The following USP8 variants were observed in gnomAD, a reference collection of about 807,000 sequenced individuals.
USP8 encodes the protein ubiquitin specific peptidase 8.
Under a neutral mutation model 130.0 loss-of-function variants are expected in USP8, and 27 were observed. That is an observed-to-expected ratio of 0.21 (90% CI 0.15 to 0.29). The LOEUF (loss-of-function observed/expected upper bound fraction) is 0.29. Ranked by LOEUF, USP8 falls within the 10% of genes least tolerant of loss-of-function variation. USP8 has a pLI of 1.00. For missense variants in USP8, 1,029 were observed against 1,312.2 expected (o/e 0.78, Z 3.33); for synonymous variants, 392 against 444.1 (o/e 0.88, Z 1.48).
chr15:50,458,737 G>A (rs117171694), intron 4 of USP8, among the ~76,000 whole-genome samples: 2,972 of 152,252 alleles, frequency 0.02, 38 homozygotes, highest in Admixed American at 0.031. Context: ...AATATAAAAG[G>A]TTGAAATTAG....
In USP8 at chr15:50,478,092, G is replaced by A. The variant is rs373900773; in HGVS notation, c.1218+593G>A. ...AAGATTGCATTATCACAGTGAATTA[G>A]AATAGCCCTTTTGGGATTTTTTGTA... is the stretch of plus-strand genomic sequence containing the variant. On this transcript the variant is annotated intron_variant, in intron 10 of 19. Coordinates refer to ENST00000307179, the MANE Select transcript of USP8 (RefSeq NM_005154.5). Among the ~76,000 whole-genome samples, 79 of 152,262 alleles carry A rather than the reference G, an allele frequency of 5.2e-4. No homozygotes were observed. The South Asian group carries it at 0.016, about 31-fold the overall frequency.
chr15:50,512,937 T>G lies in USP8; in HGVS notation c.*13849T>G, dbSNP rs2052756360. 1 of 152,148 alleles carries G rather than the reference T, an allele frequency of 6.6e-6. No individual in the cohort carries two copies. Among genetic ancestry groups the G allele is most frequent in the Non-Finnish European group, 1.5e-5 (1 of 68,032 alleles). 9.4% of individuals were successfully genotyped at this position (152,148 alleles called of 1,614,324 possible). A position where few individuals can be genotyped will look rare whatever the true frequency, so the allele number is the denominator to read the frequency against. Reference sequence around the variant, plus strand: ...GTACAACAAACCAAAAACAAAAAAGTTATTTCTAACCCATGTAACATATAA... The same window carrying G: ...GTACAACAAACCAAAAACAAAAAAGGTATTTCTAACCCATGTAACATATAA... On this transcript the variant is annotated 3_prime_UTR_variant, in exon 20 of 20. Coordinates refer to ENST00000307179, the MANE Select transcript of USP8 (RefSeq NM_005154.5).
At position 50,503,443 on chromosome 15, in the gene USP8, C is replaced by T. The variant is rs923881976; in HGVS notation, c.*4355C>T. 6 of 152,222 alleles carry T rather than the reference C, an allele frequency of 3.9e-5. No individual in the cohort carries two copies. The highest frequency in any genetic ancestry group is 7.3e-5 in the Non-Finnish European group (5 of 68,078). 9.4% of individuals were successfully genotyped at this position (152,222 alleles called of 1,614,324 possible). ...GTATGCTCGGGTTTTAAAGGTCACGCAAGGACACTCGAGGTAAAGTCTTAG... is the reference window on the plus strand; with the variant it reads ...GTATGCTCGGGTTTTAAAGGTCACGTAAGGACACTCGAGGTAAAGTCTTAG... On this transcript the variant is annotated 3_prime_UTR_variant, in exon 20 of 20. Coordinates refer to ENST00000307179, the MANE Select transcript of USP8 (RefSeq NM_005154.5).
chr15:50,431,165 C>CTGTGTGTGTGTCTGTG (rs149807733), intron 1 of USP8, among the ~76,000 whole-genome samples: 1 of 140,880 alleles, frequency 7.1e-6, no homozygotes, highest in Non-Finnish European at 1.5e-5. Flanking sequence ...GTGTGTGCCT[C>CTGTGTGTGTGTCTGTG]TGTGTGTGTG....
intron 10 of USP8, among the ~76,000 whole-genome samples, chr15:50,479,674 A>C (rs2051694510): frequency 6.6e-6 from 1 of 152,176 alleles, no homozygotes; most frequent in Admixed American, 6.5e-5. Context: ...ACATGCAAAA[A>C]AAAAGACAAA....
At chr15:50,456,312 C>G (rs949584586) in intron 4 of USP8, among the ~76,000 whole-genome samples, 2 of 152,176 alleles carry the variant, frequency 1.3e-5, no homozygotes, top group African/African-American at 4.8e-5. Flanking sequence ...TGGCTCATGC[C>G]TGTAATCCCA....
At chr15:50,454,067 T>C (rs2050711779) in intron 4 of USP8, among the ~76,000 whole-genome samples, 1 of 152,160 alleles carries the variant, frequency 6.6e-6, no homozygotes, top group African/African-American at 2.4e-5. Context: ...TTTTACCATG[T>C]TGGCCAGGCT....
rs764792077 is a variant in USP8 at position 50,501,933 on chromosome 15, A to G, written c.*2845A>G. On this transcript the variant is annotated 3_prime_UTR_variant, in exon 20 of 20. Coordinates refer to ENST00000307179, the MANE Select transcript of USP8 (RefSeq NM_005154.5). ...TGTCCTTAAAGTTTTATGGGAACAC[A>G]GTCATGCTCATTTGTTTACACTTTT... 1.3e-5 allele frequency: 2 copies of G among 152,194 alleles called. No individual in the cohort carries two copies. Among genetic ancestry groups the G allele is most frequent in the South Asian group, 2.1e-4 (1 of 4,834 alleles). 9.4% of individuals were successfully genotyped at this position (152,194 alleles called of 1,614,324 possible). A position where few individuals can be genotyped will look rare whatever the true frequency, so the allele number is the denominator to read the frequency against.
intron 10 of USP8, among the ~76,000 whole-genome samples, chr15:50,477,904 T>G (rs1281271547): frequency 1.3e-5 from 2 of 152,120 alleles, no homozygotes; most frequent in Non-Finnish European, 2.9e-5. Flanking sequence ...CTTTAACATC[T>G]TAGAAAAAAG....
In USP8 at chr15:50,505,290, A is replaced by G. The variant is rs1019891828; in HGVS notation, c.*6202A>G. On this transcript the variant is annotated 3_prime_UTR_variant, in exon 20 of 20. Transcript: ENST00000307179. ...AAAAAGCTTAAAAGCAACCAGAAAG[A>G]AAAAGAGAGTTTACCCACAAGAATC... The G allele has an allele frequency of 1.3e-5, 2 of 152,214 alleles. No homozygotes were observed. Among genetic ancestry groups the G allele is most frequent in the Non-Finnish European group, 2.9e-5 (2 of 68,044 alleles). The allele number at this position is 152,214 out of a possible 1,614,324, so 9.4% of individuals were successfully genotyped here.
chr15:50,494,726 A>ATTAC (rs2052308626), intron 16 of USP8, among the ~76,000 whole-genome samples: 1 of 152,176 alleles, frequency 6.6e-6, no homozygotes, highest in Admixed American at 6.5e-5. Flanking sequence ...TAAAATAAGA[A>ATTAC]TTACTTGGCT....
intron 4 of USP8, among the ~76,000 whole-genome samples, chr15:50,457,185 A>G (rs1008727746): frequency 6.6e-6 from 1 of 152,212 alleles, no homozygotes. Context: ...TGGCACAGTT[A>G]TTTGAATAGT....
At chr15:50,426,518 G>A (rs2049732131) in intron 1 of USP8, among the ~76,000 whole-genome samples, 1 of 152,210 alleles carries the variant, frequency 6.6e-6, no homozygotes, top group African/African-American at 2.4e-5. Context: ...ATAAGCAGCT[G>A]AGTTTGGAGT....
chr15:50,491,872 ATTTTT>A (rs928608887), intron 14 of USP8, among the ~76,000 whole-genome samples: 1 of 147,874 alleles, frequency 6.8e-6, no homozygotes, highest in East Asian at 2.0e-4. Context: ...CAACTAAGGA[ATTTTT>A]TTTTTTTGAG....
chr15:50,447,382 A>G (rs898107732), intron 3 of USP8, among the ~76,000 whole-genome samples: 1 of 152,156 alleles, frequency 6.6e-6, no homozygotes, highest in African/African-American at 2.4e-5. Flanking sequence ...CTGGGACTAC[A>G]GGCACGTGCC....
intron 1 of USP8, among the ~76,000 whole-genome samples, chr15:50,432,178 G>A (rs1054885067): frequency 5.9e-5 from 9 of 152,198 alleles, no homozygotes; most frequent in African/African-American, 2.2e-4. Context: ...CATAAAGGAT[G>A]GAAGAGATGG....
At chr15:50,441,180 A>C (rs2050247568) in intron 2 of USP8, among the ~76,000 whole-genome samples, 169 bp from the exon 3 acceptor site, 1 of 152,130 alleles carries the variant, frequency 6.6e-6, no homozygotes, top group South Asian at 2.1e-4. Flanking sequence ...CTAACCCACC[A>C]CTCATCGTCT....
chr15:50,472,785 C>A (rs1316528945), intron 8 of USP8, among the ~76,000 whole-genome samples: 1 of 152,040 alleles, frequency 6.6e-6, no homozygotes, highest in East Asian at 1.9e-4. Flanking sequence ...TGGTGTGCAC[C>A]TGTAATCCCA....
intron 3 of USP8, among the ~76,000 whole-genome samples, chr15:50,443,069 C>T (rs957258102): frequency 2.6e-5 from 4 of 152,106 alleles, no homozygotes; most frequent in South Asian, 2.1e-4. Flanking sequence ...GAGAGAGTCT[C>T]GCCCTGTCAC....
Sources: gnomAD v4.1 joint callset for allele counts (sites outside exome capture counted in the v4.1 genomes callset) on GRCh38, gnomAD v4.1.1 for gene constraint, MANE v1.5 for transcripts, NCBI Gene and HGNC (gene_info 2026-07-23, HGNC 2026-07-21) for gene names.